SEC14L5: variants seen among roughly 807,000 people sequenced by gnomAD.
SEC14L5 encodes the protein SEC14-like protein 5.
SEC14L5 carries 96 observed loss-of-function variants against 84.6 expected under a neutral mutation model. The ratio of observed to expected loss-of-function variants is 1.13; its 90% CI spans 0.96 to 1.34. The LOEUF (loss-of-function observed/expected upper bound fraction) is 1.34, where lower values mean the gene tolerates loss of function less well. SEC14L5 is among the 40% of genes most tolerant of loss of function. The pLI is 0.00. For missense variants in SEC14L5, 1,224 were observed against 942.5 expected (o/e 1.30, Z -3.91); for synonymous variants, 546 against 383.4 (o/e 1.42, Z -4.95).
At position 5,016,357 on chromosome 16, in the gene SEC14L5, T is replaced by G. The variant is rs1288194812; in HGVS notation, c.*1387T>G. 1 of 152,208 alleles carries G rather than the reference T, an allele frequency of 6.6e-6. No homozygotes were observed. Among genetic ancestry groups the G allele is most frequent in the East Asian group, 1.9e-4 (1 of 5,190 alleles). 9.4% of individuals were successfully genotyped at this position (152,208 alleles called of 1,614,324 possible). Reference sequence around the variant, plus strand: ...TGATCTGGCCTGCTTTTAGTGTTGCTTTTTTGCCTTTAGAATGGTTTAAAA... The same window carrying G: ...TGATCTGGCCTGCTTTTAGTGTTGCGTTTTTGCCTTTAGAATGGTTTAAAA... On this transcript the variant is annotated 3_prime_UTR_variant, in exon 16 of 16. Coordinates refer to ENST00000251170, the MANE Select transcript of SEC14L5 (RefSeq NM_014692.2).
In SEC14L5 at chr16:5,013,835, G is replaced by T. The variant is rs541747414; in HGVS notation, c.1980-1024G>T. Among the ~76,000 whole-genome samples, 15 of 152,258 alleles carry T rather than the reference G, an allele frequency of 9.9e-5. 1 individual carries two copies. In the South Asian group the frequency reaches 3.1e-3, roughly 32 times the overall value. On this transcript the variant is annotated intron_variant, in intron 15 of 15. Coordinates refer to ENST00000251170, the MANE Select transcript of SEC14L5 (RefSeq NM_014692.2). The stretch of plus-strand genomic sequence containing the variant: ...GGCCTCCCAAAGGGCTGGGATTACA[G>T]GCATGAGCCACTGTGCCTGGCCACT...
chr16:4,965,862 G>A (rs1285890360), intron 2 of SEC14L5, among the ~76,000 whole-genome samples: 2 of 151,452 alleles, frequency 1.3e-5, no homozygotes, highest in African/African-American at 4.9e-5. Flanking sequence ...GGCAACATAG[G>A]GAGTCCCCAT....
At chr16:4,993,841 C>T (rs998652098) in intron 6 of SEC14L5, among the ~76,000 whole-genome samples, 1 of 151,804 alleles carries the variant, frequency 6.6e-6, no homozygotes, top group African/African-American at 2.4e-5. Flanking sequence ...CAGCTCCCCA[C>T]AAAAGTCTTA....
chr16:4,970,091 C>T (rs148761383), intron 2 of SEC14L5, among the ~76,000 whole-genome samples: 1 of 152,262 alleles, frequency 6.6e-6, no homozygotes, highest in Non-Finnish European at 1.5e-5. Context: ...GGATCACAGG[C>T]GTGAGCCACT....
intron 10 of SEC14L5, 148 bp from the exon 11 acceptor site, chr16:5,003,254 C>T: frequency 1.6e-6 from 1 of 632,532 alleles, no homozygotes; most frequent in East Asian, 2.7e-5. Flanking sequence ...TGATCCTCTT[C>T]ATCGCATGGG....
chr16:4,987,499 G>GGGT, intron 2 of SEC14L5, 58 bp from the exon 3 acceptor site: 1 of 1,298,420 alleles, frequency 7.7e-7, no homozygotes, highest in Non-Finnish European at 1.0e-6. Flanking sequence ...GGTCGCGCTG[G>GGGT]GGGGGGGGGT....
intron 2 of SEC14L5, among the ~76,000 whole-genome samples, chr16:4,969,820 C>CTTTTTTTTTT (rs1050575299): frequency 7.1e-6 from 1 of 141,306 alleles, no homozygotes; most frequent in Non-Finnish European, 1.5e-5. Context: ...TTTTTCTTTC[C>CTTTTTTTTTT]TTTTTTTTTT....
At chr16:4,990,739 C>A (rs774207929) in intron 4 of SEC14L5, 28 bp from the exon 5 acceptor site, 1 of 1,589,688 alleles carries the variant, frequency 6.3e-7, no homozygotes, top group Non-Finnish European at 8.6e-7. Flanking sequence ...ACATTGAGTC[C>A]CTGGCATGAC....
In SEC14L5 at chr16:5,017,534, A is replaced by G. The variant is rs1323071356; in HGVS notation, c.*2564A>G. The G allele has an allele frequency of 6.6e-6, 1 of 152,192 alleles. No individual in the cohort carries two copies. Among genetic ancestry groups the G allele is most frequent in the East Asian group, 1.9e-4 (1 of 5,196 alleles). 9.4% of individuals were successfully genotyped at this position (152,192 alleles called of 1,614,324 possible). Reference sequence around the variant, plus strand: ...AATTTCAGGATTCACACTCTAAGAGATGCTTTTCCATCTCAAATCTCATGG... The same window carrying G: ...AATTTCAGGATTCACACTCTAAGAGGTGCTTTTCCATCTCAAATCTCATGG... On this transcript the variant is annotated 3_prime_UTR_variant, in exon 16 of 16. Transcript: ENST00000251170.
At chr16:5,008,882 G>A (rs755262593) in intron 14 of SEC14L5, among the ~76,000 whole-genome samples, 1 of 152,238 alleles carries the variant, frequency 6.6e-6, no homozygotes, top group African/African-American at 2.4e-5. Flanking sequence ...CTGAGAGGTG[G>A]CTGGTGTCTT....
At position 4,970,547 on chromosome 16, in the gene SEC14L5, G is replaced by A. The variant is rs182577706; in HGVS notation, c.63+11161G>A. 1.6e-3 allele frequency among the ~76,000 whole-genome samples: 240 copies of A among 152,298 alleles called. 1 individual carries two copies. Among genetic ancestry groups the A allele is most frequent in the African/African-American group, 5.3e-3 (221 of 41,560 alleles). On this transcript the variant is annotated intron_variant, in intron 2 of 15. Coordinates refer to ENST00000251170, the MANE Select transcript of SEC14L5 (RefSeq NM_014692.2). ...TCTGCGCAAAATCCTGACATACCAT[G>A]TAAATGTCAAGCTGCTCTAGGCTGG... is the stretch of plus-strand genomic sequence containing the variant.
chr16:4,996,211 CTGGGGCGGGGGCTTAGCCTGGTT>C, intron 6 of SEC14L5, 114 bp from the exon 7 acceptor site: 2 of 591,276 alleles, frequency 3.4e-6, no homozygotes, highest in Non-Finnish European at 6.2e-6. Flanking sequence ...TGGCTGCTGT[CTGGGGCGGGGGCTTAGCCTGGTT>C]TGGAACCACG....
At chr16:4,959,463 G>C (rs1955092803) in intron 2 of SEC14L5, 77 bp downstream of exon 2, 1 of 1,228,518 alleles carries the variant, frequency 8.1e-7, no homozygotes, top group South Asian at 1.2e-5. Context: ...TAGGAAGACG[G>C]AGCTCCTTAG....
Position 4,988,254 on chromosome 16 carries a change from G to A in SEC14L5, c.319G>A (p.Val107Met). The change falls in exon 4 of 16, where the codon GTG becomes ATG. Residue 107 changes from valine (V) to methionine (M), a missense_variant. Coordinates refer to ENST00000251170, the MANE Select transcript of SEC14L5 (RefSeq NM_014692.2). ...AHNETFANRVVVNEHCSYTVH... is the reference protein window; with the variant it reads ...AHNETFANRVMVNEHCSYTVH... ...CAATGAGACCTTCGCCAACCGCGTG[G>A]TGGTGAACGAGCACTGCAGCTACAC... 1 of 1,613,768 alleles carries A rather than the reference G, an allele frequency of 6.2e-7. No homozygotes were observed. Among genetic ancestry groups the A allele is most frequent in the Non-Finnish European group, 8.5e-7 (1 of 1,179,768 alleles).
chr16:4,979,219 C>T (rs1434289244), intron 2 of SEC14L5, among the ~76,000 whole-genome samples: 1 of 152,136 alleles, frequency 6.6e-6, no homozygotes, highest in East Asian at 1.9e-4. Flanking sequence ...ACCAGGCTTC[C>T]GTCCTGTGTG....
chr16:4,996,571 C>CTTAT (rs747388808), intron 7 of SEC14L5, 111 bp downstream of exon 7: 3 of 637,952 alleles, frequency 4.7e-6, no homozygotes, highest in Non-Finnish European at 2.8e-6. Context: ...TTATCTCTTG[C>CTTAT]TTATTTATTT....
At chr16:4,964,516 A>T (rs1243407061) in intron 2 of SEC14L5, among the ~76,000 whole-genome samples, 1 of 151,778 alleles carries the variant, frequency 6.6e-6, no homozygotes, top group East Asian at 1.9e-4. Context: ...AACCTGGGAG[A>T]CAGGTTGCAG....
At chr16:4,978,919 A>G (rs890534839) in intron 2 of SEC14L5, among the ~76,000 whole-genome samples, 3 of 152,126 alleles carry the variant, frequency 2.0e-5, no homozygotes, top group African/African-American at 7.2e-5. Context: ...TATTTTATGT[A>G]GAGATGAGGT....
At chr16:5,005,873 A>C (rs750490478) in intron 11 of SEC14L5, 41 bp from the exon 12 acceptor site, 1 of 1,493,606 alleles carries the variant, frequency 6.7e-7, no homozygotes, top group African/African-American at 1.6e-5. Flanking sequence ...CAAAAAAAAA[A>C]AAAAAAAAAC....
Sources: allele counts gnomAD v4.1 joint callset (sites outside exome capture counted in the v4.1 genomes callset), GRCh38; gene constraint gnomAD v4.1.1; transcripts MANE v1.5; gene names NCBI Gene and HGNC (gene_info 2026-07-23, HGNC 2026-07-21).